RBFOX1: variants seen among roughly 807,000 people sequenced by gnomAD.
The protein encoded by RBFOX1 is RNA binding protein fox-1 homolog 1.
Under a neutral mutation model 57.7 loss-of-function variants are expected in RBFOX1, and 8 were observed. That is an observed-to-expected ratio of 0.14 (90% CI 0.08 to 0.25). The LOEUF is 0.25. RBFOX1 is among the 10% of genes least tolerant of loss of function. The pLI, the probability that RBFOX1 is intolerant of heterozygous loss-of-function variation, is 1.00. For missense variants in RBFOX1, 611 were observed against 548.5 expected (o/e 1.11, Z -1.14); for synonymous variants, 326 against 222.4 (o/e 1.47, Z -4.15).
chr16:5,834,185 A>G (rs1052200965), intron 3 of RBFOX1, among the ~76,000 whole-genome samples: 2 of 152,188 alleles, frequency 1.3e-5, no homozygotes, highest in African/African-American at 2.4e-5. Context: ...TTCATTTTAC[A>G]GTGGTGAAGT....
intron 5 of RBFOX1, among the ~76,000 whole-genome samples, chr16:7,571,756 C>G (rs1179699005): frequency 6.6e-6 from 1 of 152,122 alleles, no homozygotes; most frequent in Non-Finnish European, 1.5e-5. Context: ...TAATGGACTT[C>G]CCATCTGTGT....
chr16:6,358,427 C>A (rs568585198), intron 2 of RBFOX1, among the ~76,000 whole-genome samples: 8 of 152,216 alleles, frequency 5.3e-5, no homozygotes, highest in African/African-American at 1.9e-4. Context: ...TTAGAAGTTG[C>A]CAGCTTCAAC....
At chr16:6,870,937 T>A (rs561096642) in intron 3 of RBFOX1, among the ~76,000 whole-genome samples, 63 of 152,288 alleles carry the variant, frequency 4.1e-4, no homozygotes, top group African/African-American at 1.4e-3. Flanking sequence ...TCCATTTCTA[T>A]CCGTAAGTGT....
At chr16:5,956,639 A>AATATATATATATATATAT (rs1373907599) in intron 4 of RBFOX1, among the ~76,000 whole-genome samples, 8 of 123,554 alleles carry the variant, frequency 6.5e-5, no homozygotes, top group African/African-American at 2.4e-4. Context: ...GCAAAAAACA[A>AATATATATATATATATAT]ATATATATAT....
chr16:5,382,077 C>T (rs566283866), intron 1 of RBFOX1, among the ~76,000 whole-genome samples: 1 of 152,320 alleles, frequency 6.6e-6, no homozygotes, highest in South Asian at 2.1e-4. Context: ...AAATCACCCC[C>T]CTGGTTGGGA....
intron 3 of RBFOX1, among the ~76,000 whole-genome samples, chr16:5,809,747 C>T (rs1369050131): frequency 6.6e-6 from 1 of 152,126 alleles, no homozygotes; most frequent in East Asian, 1.9e-4. Flanking sequence ...CTAGTTCAAC[C>T]ATTGTGGAAG....
At chr16:7,026,542 C>G (rs905561586) in intron 3 of RBFOX1, among the ~76,000 whole-genome samples, 1 of 152,106 alleles carries the variant, frequency 6.6e-6, no homozygotes, top group Non-Finnish European at 1.5e-5. Flanking sequence ...TACACAATCA[C>G]AGCTGCTTCA....
chr16:5,869,128 G>A (rs1597572249), intron 4 of RBFOX1, among the ~76,000 whole-genome samples: 2 of 152,226 alleles, frequency 1.3e-5, no homozygotes, highest in East Asian at 3.9e-4. Context: ...AAAGTGCCAT[G>A]CCATGTAACC....
At chr16:6,954,401 C>A (rs757256258) in intron 3 of RBFOX1, among the ~76,000 whole-genome samples, 1 of 152,010 alleles carries the variant, frequency 6.6e-6, no homozygotes, top group African/African-American at 2.4e-5. Flanking sequence ...ATGTGTCCCT[C>A]GTTTGCATTT....
chr16:6,851,926 G>GTTTTTTTTTTTTT (rs71147610), intron 3 of RBFOX1, among the ~76,000 whole-genome samples: 1 of 143,592 alleles, frequency 7.0e-6, no homozygotes. Flanking sequence ...TTTCCATTGG[G>GTTTTTTTTTTTTT]TTTTTTTTTT....
At chr16:5,643,312 G>T (rs1162312567) in intron 3 of RBFOX1, among the ~76,000 whole-genome samples, 1 of 152,080 alleles carries the variant, frequency 6.6e-6, no homozygotes, top group African/African-American at 2.4e-5. Flanking sequence ...GTTTTTTTAG[G>T]GTGTGGCTGC....
At chr16:5,398,101 A>G (rs925191673) in intron 1 of RBFOX1, among the ~76,000 whole-genome samples, 1 of 152,212 alleles carries the variant, frequency 6.6e-6, no homozygotes, top group Non-Finnish European at 1.5e-5. Context: ...TTCAACCTAG[A>G]CGAAGACCAA....
At chr16:6,898,045 G>A (rs561587790) in intron 3 of RBFOX1, among the ~76,000 whole-genome samples, 1 of 152,262 alleles carries the variant, frequency 6.6e-6, no homozygotes, top group Non-Finnish European at 1.5e-5. Context: ...CTTTTCCTCG[G>A]TGTTTATATA....
chr16:7,112,395 T>G (rs988852970), intron 4 of RBFOX1, among the ~76,000 whole-genome samples: 131 of 125,868 alleles, frequency 1.0e-3, no homozygotes, highest in African/African-American at 3.9e-3. Flanking sequence ...TTTTTTTTTG[T>G]AGAGACGTGG....
intron 3 of RBFOX1, among the ~76,000 whole-genome samples, chr16:6,786,470 A>T (rs956565154): frequency 6.6e-6 from 1 of 152,196 alleles, no homozygotes. Flanking sequence ...GCAGAAAAAT[A>T]ACAACAAAGA....
chr16:6,955,863 G>C (rs1256459624), intron 3 of RBFOX1, among the ~76,000 whole-genome samples: 2 of 151,936 alleles, frequency 1.3e-5, no homozygotes, highest in African/African-American at 2.4e-5. Context: ...ATGCCACCAT[G>C]CTCAGCTAAA....
chr16:5,544,173 C>T (rs928569697), intron 2 of RBFOX1, among the ~76,000 whole-genome samples: 1 of 152,112 alleles, frequency 6.6e-6, no homozygotes, highest in African/African-American at 2.4e-5. Context: ...AAATTATTTT[C>T]TGGGCCATTA....
chr16:7,689,835 A>C (rs2076941028), intron 14 of RBFOX1, among the ~76,000 whole-genome samples: 1 of 152,086 alleles, frequency 6.6e-6, no homozygotes, highest in Non-Finnish European at 1.5e-5. Context: ...ACTGTAGAGC[A>C]GTTTCTCTTT....
chr16:7,504,731 AT>A (rs2072308048), intron 4 of RBFOX1, among the ~76,000 whole-genome samples: 3 of 7,288 alleles, frequency 4.1e-4, no homozygotes, highest in Non-Finnish European at 1.3e-3. Flanking sequence ...ATATATATAT[AT>A]ATATATATAT....
Sources: gnomAD v4.1 joint callset for allele counts (sites outside exome capture counted in the v4.1 genomes callset) on GRCh38, gnomAD v4.1.1 for gene constraint, MANE v1.5 for transcripts, NCBI Gene and HGNC (gene_info 2026-07-23, HGNC 2026-07-21) for gene names.